TCN1: variants seen among roughly 807,000 people sequenced by gnomAD.
TCN1 encodes transcobalamin-1.
Under a neutral mutation model 46.3 loss-of-function variants are expected in TCN1, and 47 were observed. The observed-to-expected ratio is 1.01, with a 90% CI of 0.80 to 1.29. The LOEUF (loss-of-function observed/expected upper bound fraction) is 1.29. TCN1 is among the 50% of genes most tolerant of loss of function. TCN1 has a pLI of 0.00. For missense variants in TCN1, 532 were observed against 511.0 expected (o/e 1.04, Z -0.40); for synonymous variants, 183 against 192.5 (o/e 0.95, Z 0.41).
In TCN1 at chr11:59,863,912, C is replaced by T. The variant is rs147360142; in HGVS notation, c.254G>A (p.Ser85Asn). ...MIQQIKYNVK[S>N]RLSDVSSGEL... ...CAGAATATACAGCAACTTACATCTGCTTTTCACATTGTATTTGATTTGTTG... is the reference window on the plus strand; with the variant it reads ...CAGAATATACAGCAACTTACATCTGTTTTTCACATTGTATTTGATTTGTTG... Residue 85 changes from serine to asparagine, a missense_variant, in exon 2 of 9, where the codon AGC becomes AAC. Transcript: ENST00000257264. 6.2e-7 allele frequency: 1 copy of T among 1,613,762 alleles called. No individual in the cohort carries two copies. The highest frequency in any genetic ancestry group is 8.5e-7 in the Non-Finnish European group (1 of 1,179,728).
intron 2 of TCN1, 90 bp from the exon 3 acceptor site, chr11:59,862,812 T>G (rs1240010960): frequency 6.9e-7 from 1 of 1,451,496 alleles, no homozygotes; most frequent in African/African-American, 1.4e-5. Flanking sequence ...TGCCTATCAC[T>G]TTTTTCTTCT....
Position 59,853,016 on chromosome 11 carries a change from G to T in TCN1, c.1261C>A (p.Arg421Ser). Residue 421 changes from arginine (R) to serine (S), a missense_variant, in exon 9 of 9, where the codon CGC becomes AGC. By Grantham distance (110) the Arg-to-Ser change is moderately radical. Coordinates refer to ENST00000257264, the MANE Select transcript of TCN1 (RefSeq NM_001062.4). ...CGAACCTCCAAGTTTTCTCCATTGC[G>T]GACAACGTAACTACCAGCTCCTGAA... Reference protein sequence around the residue: ...LSQGAGSYVVRNGENLEVRWS... With the variant: ...LSQGAGSYVVSNGENLEVRWS... 6.2e-7 allele frequency: 1 copy of T among 1,614,080 alleles called. No homozygotes were observed. Among genetic ancestry groups the T allele is most frequent in the Non-Finnish European group, 8.5e-7 (1 of 1,179,998 alleles).
At position 59,854,822 on chromosome 11, in the gene TCN1, G is replaced by T. The variant is rs549442049; in HGVS notation, c.951C>A (p.Ile317=). The T allele has an allele frequency of 6.2e-6, 10 of 1,613,942 alleles. No homozygotes were observed. The East Asian group carries it at 2.0e-4, about 32-fold the overall frequency. Reference sequence around the variant, plus strand: ...TCACAGTTATAGGCTCATCAGCGGAGATGTTGAAGTTACCTGGCAGAGACA... The same window carrying T: ...TCACAGTTATAGGCTCATCAGCGGATATGTTGAAGTTACCTGGCAGAGACA... ...SCVSASGNFN[I]SADEPITVTP... The change falls in exon 7 of 9, where the codon ATC becomes ATA. Residue 317 remains isoleucine, a synonymous_variant. Coordinates refer to ENST00000257264, the MANE Select transcript of TCN1 (RefSeq NM_001062.4).
At chr11:59,857,273 C>A (rs186294158) in intron 5 of TCN1, among the ~76,000 whole-genome samples, 38 of 152,254 alleles carry the variant, frequency 2.5e-4, no homozygotes, top group Middle Eastern at 3.4e-3. Flanking sequence ...AAGGCCCAGG[C>A]TCCACCTCTA....
rs1221883018 is a variant in TCN1 at position 59,859,065 on chromosome 11, C to G, written c.747+12G>C. On this transcript the variant is annotated intron_variant, in intron 5 of 8. Coordinates refer to ENST00000257264, the MANE Select transcript of TCN1 (RefSeq NM_001062.4). ...CTCCCTTCTCTGCCTCCTGTTTCACCCTCTGACTTACCTGCATGGCTTCTC... is the reference window on the plus strand; with the variant it reads ...CTCCCTTCTCTGCCTCCTGTTTCACGCTCTGACTTACCTGCATGGCTTCTC... The G allele has an allele frequency of 6.2e-7, 1 of 1,611,210 alleles. No individual in the cohort carries two copies. Among genetic ancestry groups the G allele is most frequent in the East Asian group, 2.2e-5 (1 of 44,868 alleles).
intron 5 of TCN1, among the ~76,000 whole-genome samples, chr11:59,856,956 A>C (rs139314319): frequency 2.6e-5 from 4 of 152,244 alleles, no homozygotes; most frequent in Admixed American, 1.3e-4. Context: ...CAAGACAGGA[A>C]CTAAGGTGGG....
chr11:59,861,440 A>G lies in TCN1; in HGVS notation c.556+87T>C, dbSNP rs1590866936. ...GCAAAGAGGGTAGAAAATAAAATCCAGGTACTTACTGGTAGAAAAACTCAA... is the reference window on the plus strand; with the variant it reads ...GCAAAGAGGGTAGAAAATAAAATCCGGGTACTTACTGGTAGAAAAACTCAA... On this transcript the variant is annotated intron_variant, in intron 4 of 8. Transcript: ENST00000257264. 15 of 1,420,134 alleles carry G rather than the reference A, an allele frequency of 1.1e-5. No individual in the cohort carries two copies. The East Asian group carries it at 3.0e-4, about 28-fold the overall frequency. 88.0% of individuals were successfully genotyped at this position (1,420,134 alleles called of 1,614,324 possible). A position where few individuals can be genotyped will look rare whatever the true frequency, so the allele number is the denominator to read the frequency against.
intron 3 of TCN1, 25 bp downstream of exon 3, chr11:59,862,557 G>A: frequency 6.2e-7 from 1 of 1,611,954 alleles, no homozygotes; most frequent in South Asian, 1.1e-5. Context: ...AGGTAGTCTA[G>A]GGTCTCTAAA....
In TCN1 at chr11:59,855,855, T is replaced by C; in HGVS notation, c.937+14A>G. 1.6e-5 allele frequency: 26 copies of C among 1,613,738 alleles called. No homozygotes were observed. The highest frequency in any genetic ancestry group is 2.2e-5 in the Non-Finnish European group (26 of 1,179,672). Reference sequence around the variant, plus strand: ...GTGAAAAGCGAAACAGTGTGCTCTCTTTAATGCTTATACCTGAAGCAGAGA... The same window carrying C: ...GTGAAAAGCGAAACAGTGTGCTCTCCTTAATGCTTATACCTGAAGCAGAGA... On this transcript the variant is annotated intron_variant, in intron 6 of 8. Coordinates refer to ENST00000257264, the MANE Select transcript of TCN1 (RefSeq NM_001062.4).
In TCN1 at chr11:59,862,604, G is replaced by T; in HGVS notation, c.378C>A (p.Phe126Leu). The part of the protein sequence containing the change: ...YHLIDKLENK[F>L]QAEIENMEAH... ...TACCCATATTTTCAATTTCTGCTTG[G>T]AATTTATTTTCTAGCTTGTCGATCA... Residue 126 changes from phenylalanine (F) to leucine (L), a missense_variant, in exon 3 of 9, where the codon TTC (phenylalanine) becomes TTA (leucine). Phe to Leu is a conservative substitution (Grantham distance 22). Coordinates refer to ENST00000257264, the MANE Select transcript of TCN1 (RefSeq NM_001062.4). The T allele has an allele frequency of 1.2e-6, 2 of 1,613,428 alleles. No individual in the cohort carries two copies. Among genetic ancestry groups the T allele is most frequent in the South Asian group, 1.1e-5 (1 of 91,052 alleles).
chr11:59,854,716 G>A lies in TCN1; in HGVS notation c.1057C>T (p.Leu353=), dbSNP rs750328332. 3.7e-6 allele frequency: 6 copies of A among 1,613,914 alleles called. No homozygotes were observed. The highest frequency in any genetic ancestry group is 5.1e-6 in the Non-Finnish European group (6 of 1,179,914). Residue 353 remains leucine, a synonymous_variant, in exon 7 of 9, where the codon CTA becomes TTA. Transcript: ENST00000257264. ...NETYFTNVTV[L]NGSVFLSVME... ...ACACTGAGGAAGACAGAACCATTTA[G>A]CACAGTGACATTGGTGAAATATGTT...
Position 59,854,654 on chromosome 11 carries a change from A to C in TCN1, c.1119T>G (p.Phe373Leu). 1 of 1,613,800 alleles carries C rather than the reference A, an allele frequency of 6.2e-7. No individual in the cohort carries two copies. The highest frequency in any genetic ancestry group is 8.5e-7 in the Non-Finnish European group (1 of 1,179,770). Residue 373 changes from phenylalanine (F) to leucine (L), a missense_variant and splice_region_variant, in exon 7 of 9, where the codon TTT (phenylalanine) becomes TTG (leucine). Coordinates refer to ENST00000257264, the MANE Select transcript of TCN1 (RefSeq NM_001062.4). ...CCTTAGGTTAGGTACAGACCTACCC[A>C]AATATAGTATCATTCATTTTCTGGG... ...EKAQKMNDTI[F>L]GFTMEERSWG...
Position 59,856,045 on chromosome 11 carries a change from G to T in TCN1, c.761C>A (p.Ser254Ter), listed in dbSNP as rs748719904. Reference protein sequence around the residue: ...TGEAMQALFVSSDYYNENDWN... With the variant: ...TGEAMQALFV Reference sequence around the variant, plus strand: ...GTCATTTTCATTATAATAGTCTGATGATACAAAGAGGGCCTAATGAGGCAG... The same window carrying T: ...GTCATTTTCATTATAATAGTCTGATTATACAAAGAGGGCCTAATGAGGCAG... The change falls in exon 6 of 9, where the codon TCA (serine) becomes TAA (stop). Residue 254 changes from serine to a stop codon, truncating the protein, a stop_gained. Coordinates refer to ENST00000257264, the MANE Select transcript of TCN1 (RefSeq NM_001062.4). LOFTEE classifies it high-confidence loss of function. 32 of 1,053,416 alleles carry T rather than the reference G, an allele frequency of 3.0e-5. No homozygotes were observed. In the South Asian group the frequency reaches 4.0e-4, roughly 13 times the overall value. 65.3% of individuals were successfully genotyped at this position (1,053,416 alleles called of 1,614,324 possible). A position where few individuals can be genotyped will look rare whatever the true frequency, so the allele number is the denominator to read the frequency against.
At chr11:59,853,569 G>A (rs561531405) in intron 7 of TCN1, among the ~76,000 whole-genome samples, 1 of 152,132 alleles carries the variant, frequency 6.6e-6, no homozygotes, top group South Asian at 2.1e-4. Context: ...TTAGAGAAAT[G>A]ATGCTCATGG....
At chr11:59,862,774 G>A (rs771166362) in intron 2 of TCN1, 52 bp from the exon 3 acceptor site, 4 of 1,607,290 alleles carry the variant, frequency 2.5e-6, no homozygotes, top group East Asian at 2.2e-5. Context: ...TGATTTTTTG[G>A]GCCTCCTGAT....
chr11:59,860,186 G>C (rs1303826796), intron 4 of TCN1, among the ~76,000 whole-genome samples: 3 of 152,144 alleles, frequency 2.0e-5, no homozygotes, highest in African/African-American at 7.2e-5. Context: ...CCAGGCTGGA[G>C]TGCTGTGGTC....
chr11:59,861,642 G>T lies in TCN1; in HGVS notation c.441C>A (p.Leu147=), dbSNP rs1292281999. The T allele has an allele frequency of 1.2e-6, 2 of 1,614,178 alleles. No individual in the cohort carries two copies. The highest frequency in any genetic ancestry group is 4.5e-5 in the East Asian group (2 of 44,878). The part of the protein sequence containing the change: ...NGTPLTNYYQ[L]SLDVLALCLF... ...GACACAAGGCCAAAACGTCCAGGCT[G>T]AGCTGGTAGTAGTTAGTCAGGGGAG... is the stretch of plus-strand genomic sequence containing the variant. The change falls in exon 4 of 9, where the codon CTC becomes CTA. Residue 147 remains leucine (L), a synonymous_variant. Coordinates refer to ENST00000257264, the MANE Select transcript of TCN1 (RefSeq NM_001062.4).
At chr11:59,853,429 A>G in intron 7 of TCN1, 108 bp from the exon 8 acceptor site, 2 of 1,031,540 alleles carry the variant, frequency 1.9e-6, no homozygotes, top group South Asian at 2.5e-5. Context: ...ATGACATTAT[A>G]AAAATGCAGA....
At chr11:59,863,388 A>G (rs1484904398) in intron 2 of TCN1, among the ~76,000 whole-genome samples, 3 of 151,986 alleles carry the variant, frequency 2.0e-5, no homozygotes, top group Non-Finnish European at 4.4e-5. Context: ...CTTGATTTTT[A>G]ATGTTCTGCC....
Sources: allele counts gnomAD v4.1 joint callset (sites outside exome capture counted in the v4.1 genomes callset), GRCh38; gene constraint gnomAD v4.1.1; transcripts MANE v1.5; gene names NCBI Gene and HGNC (gene_info 2026-07-23, HGNC 2026-07-21).